The following ZSWIM4 variants were observed in gnomAD, a reference collection of about 807,000 sequenced individuals.
ZSWIM4 encodes the protein zinc finger SWIM-type containing 4.
A neutral mutation model predicts 102.5 loss-of-function variants in ZSWIM4; 62 were observed. That is an observed-to-expected ratio of 0.60 (90% CI 0.49 to 0.75). The LOEUF (loss-of-function observed/expected upper bound fraction) is 0.75, where lower values mean the gene tolerates loss of function less well. Among genes scored for constraint, ZSWIM4 ranks in the 30% least tolerant of loss-of-function variants. ZSWIM4 has a pLI of 0.00. For missense variants in ZSWIM4, 1,280 were observed against 1,529.6 expected (o/e 0.84, Z 2.72); for synonymous variants, 652 against 674.5 (o/e 0.97, Z 0.52).
At chr19:13,823,293 A>AGG in intron 10 of ZSWIM4, 53 bp from the exon 11 acceptor site, 1 of 1,562,230 alleles carries the variant, frequency 6.4e-7, no homozygotes. Context: ...TCTCCTAGAG[A>AGG]GAATGGGGAC....
rs1176983092 is a variant in ZSWIM4, at chr19:13,820,573, A to G, written c.2060+1081A>G. On this transcript the variant is annotated intron_variant, in intron 10 of 13. Transcript: ENST00000590508. ...TTATTTTGAGTTTGAGAATATTCAC[A>G]TGATACATGAAAAGATACACAAAGC... 2.0e-5 allele frequency among the ~76,000 whole-genome samples: 3 copies of G among 152,338 alleles called. No individual in the cohort carries two copies. The East Asian group carries it at 5.8e-4, about 29-fold the overall frequency.
At position 13,824,070 on chromosome 19, in the gene ZSWIM4, G is replaced by C. The variant is rs1975540149; in HGVS notation, c.2215+570G>C. On this transcript the variant is annotated intron_variant, in intron 11 of 13. Coordinates refer to ENST00000590508, the MANE Select transcript of ZSWIM4 (RefSeq NM_001367834.3). Reference sequence around the variant, plus strand: ...GTGAGAGAGAGGAGGCTGGGAGAGAGAGAGAGGGAGAAAGGAGAGATAGTA... The same window carrying C: ...GTGAGAGAGAGGAGGCTGGGAGAGACAGAGAGGGAGAAAGGAGAGATAGTA... 2.6e-5 allele frequency among the ~76,000 whole-genome samples: 4 copies of C among 150,954 alleles called. No individual in the cohort carries two copies. In the Admixed American group the frequency reaches 2.7e-4, roughly 10 times the overall value.
At chr19:13,824,304 G>A (rs112182581) in intron 11 of ZSWIM4, among the ~76,000 whole-genome samples, 1,590 of 152,282 alleles carry the variant, frequency 0.01, 24 homozygotes, top group African/African-American at 0.037. Flanking sequence ...GCTCATGCCT[G>A]TAATCCCAGC....
chr19:13,817,288 G>A lies in ZSWIM4; in HGVS notation c.1604G>A (p.Gly535Asp). 6.2e-7 allele frequency: 1 copy of A among 1,614,072 alleles called. No individual in the cohort carries two copies. ...GWVGHPLDPI[G>D]CLCRALLEAC... is the part of the protein sequence containing the mutation. Reference sequence around the variant, plus strand: ...GTGGGGCACCCCCTGGACCCCATTGGCTGCCTCTGCAGGGCGCTCCTGGAG... The same window carrying A: ...GTGGGGCACCCCCTGGACCCCATTGACTGCCTCTGCAGGGCGCTCCTGGAG... The change falls in exon 8 of 14, where the codon GGC becomes GAC. Residue 535 changes from glycine to aspartate, a missense_variant. Coordinates refer to ENST00000590508, the MANE Select transcript of ZSWIM4 (RefSeq NM_001367834.3).
Position 13,819,485 on chromosome 19 carries a change from G to A in ZSWIM4, c.2053G>A (p.Ala685Thr). 1 of 1,598,690 alleles carries A rather than the reference G, an allele frequency of 6.3e-7. No individual in the cohort carries two copies. The highest frequency in any genetic ancestry group is 8.5e-7 in the Non-Finnish European group (1 of 1,172,714). ...PDLAYRLALR[A>T]MRLPILETAF... is the part of the protein sequence containing the mutation. Reference sequence around the variant, plus strand: ...CCTGGCCTATCGCCTCGCGCTGCGAGCTATGAGGTGAGGATAGGTGGCCAA... The same window carrying A: ...CCTGGCCTATCGCCTCGCGCTGCGAACTATGAGGTGAGGATAGGTGGCCAA... Residue 685 changes from alanine to threonine, a missense_variant, in exon 10 of 14, where the codon GCT becomes ACT. Coordinates refer to ENST00000590508, the MANE Select transcript of ZSWIM4 (RefSeq NM_001367834.3).
intron 1 of ZSWIM4, among the ~76,000 whole-genome samples, chr19:13,796,215 C>G (rs1371816553): frequency 2.7e-5 from 4 of 150,244 alleles, no homozygotes; most frequent in East Asian, 2.0e-4. Flanking sequence ...CACCTTATCC[C>G]CCAACGGTAC....
Position 13,819,415 on chromosome 19 carries a change from C to A in ZSWIM4, c.1983C>A (p.Thr661=). The A allele has an allele frequency of 6.2e-7, 1 of 1,612,408 alleles. No homozygotes were observed. Among genetic ancestry groups the A allele is most frequent in the Non-Finnish European group, 8.5e-7 (1 of 1,179,312 alleles). ...VLFRESVPMH[T]CARYLFTALL... ...TCCGGGAGAGCGTGCCCATGCACAC[C>A]TGTGCCCGCTACCTGTTCACCGCAC... is the stretch of plus-strand genomic sequence containing the variant. The change falls in exon 10 of 14, where the codon ACC becomes ACA. Residue 661 remains threonine (T), a synonymous_variant. Coordinates refer to ENST00000590508, the MANE Select transcript of ZSWIM4 (RefSeq NM_001367834.3).
At chr19:13,796,817 G>T (rs1337866752) in intron 1 of ZSWIM4, 2 of 152,316 alleles carry the variant, frequency 1.3e-5, no homozygotes, top group African/African-American at 4.8e-5. Flanking sequence ...GCACACACGG[G>T]CTCTATCCTC....
At chr19:13,828,986 G>C (rs1975684889) in intron 13 of ZSWIM4, among the ~76,000 whole-genome samples, 1 of 152,016 alleles carries the variant, frequency 6.6e-6, no homozygotes, top group Non-Finnish European at 1.5e-5. Context: ...TGTAGTTCCA[G>C]CTGCTTGGGA....
intron 3 of ZSWIM4, among the ~76,000 whole-genome samples, chr19:13,805,747 G>A (rs1452223728): frequency 5.3e-5 from 8 of 151,760 alleles, no homozygotes; most frequent in African/African-American, 1.7e-4. Context: ...CGAGGTGGGC[G>A]GATCAGTTGA....
chr19:13,830,189 A>G lies in ZSWIM4; in HGVS notation c.2462-2A>G. The stretch of plus-strand genomic sequence containing the variant: ...GGATTTCCCTCCCTCACCTCCCACC[A>G]GGCCCGCAAGCCCTGATGAATATCA... On this transcript the variant is annotated splice_acceptor_variant, in intron 13 of 13. Transcript: ENST00000590508. LOFTEE classifies it high-confidence loss of function. 1.2e-6 allele frequency: 2 copies of G among 1,605,490 alleles called. No homozygotes were observed. The highest frequency in any genetic ancestry group is 8.5e-7 in the Non-Finnish European group (1 of 1,174,576).
At chr19:13,827,617 A>C (rs1370262958) in intron 12 of ZSWIM4, among the ~76,000 whole-genome samples, 1 of 151,236 alleles carries the variant, frequency 6.6e-6, no homozygotes, top group Non-Finnish European at 1.5e-5. Context: ...AGAAAAGAAA[A>C]AAAAAGAAAC....
chr19:13,804,890 T>TCCGTGAGCTGCGGCTGTGACAA lies in ZSWIM4; in HGVS notation c.458_479dup (p.Asp161GlufsTer5). The TCCGTGAGCTGCGGCTGTGACAA allele has an allele frequency of 2.5e-6, 4 of 1,613,544 alleles. No individual in the cohort carries two copies. Among genetic ancestry groups the TCCGTGAGCTGCGGCTGTGACAA allele is most frequent in the Non-Finnish European group, 2.5e-6 (3 of 1,180,002 alleles). On this transcript the variant is annotated frameshift_variant, in exon 3 of 14. Transcript: ENST00000590508. LOFTEE classifies it high-confidence loss of function. ...CAGCTTTGATCGCTGCAAGATCACG[T>TCCGTGAGCTGCGGCTGTGACAA]CCGTGAGCTGCGGCTGTGACAACCG...
At chr19:13,807,791 ATGGG>A (rs1030326060) in intron 3 of ZSWIM4, among the ~76,000 whole-genome samples, 13 of 145,324 alleles carry the variant, frequency 8.9e-5, no homozygotes, top group Admixed American at 7.4e-4. Context: ...GGATGGATGG[ATGGG>A]TGTATGGGTG....
At chr19:13,804,722 C>A in intron 2 of ZSWIM4, 70 bp from the exon 3 acceptor site, 1 of 1,323,514 alleles carries the variant, frequency 7.6e-7, no homozygotes, top group Admixed American at 2.1e-5. Context: ...GCAACCGGGT[C>A]TTGCTGTGTA....
chr19:13,814,609 C>A lies in ZSWIM4; in HGVS notation c.1275C>A (p.Ala425=). 1 of 1,240,652 alleles carries A rather than the reference C, an allele frequency of 8.1e-7. No homozygotes were observed. The highest frequency in any genetic ancestry group is 2.5e-5 in the Admixed American group (1 of 40,052). The allele number at this position is 1,240,652 out of a possible 1,614,324, so 76.9% of individuals were successfully genotyped here. ...CTGGAGAGCTACACTGGAATGACGC[C>A]TACCTGCAGAGGATCCTGGCCAGTG... The part of the protein sequence containing the change: ...LLAGELHWND[A]YLQRILASDS... Residue 425 remains alanine (A), a synonymous_variant, in exon 7 of 14, where the codon GCC becomes GCA. Coordinates refer to ENST00000590508, the MANE Select transcript of ZSWIM4 (RefSeq NM_001367834.3).
rs1975222396 is a variant in ZSWIM4, at chr19:13,814,812, C to T, written c.1478C>T (p.Thr493Ile). Residue 493 changes from threonine (T) to isoleucine (I), a missense_variant, in exon 7 of 14, where the codon ACA (threonine) becomes ATA (isoleucine). Coordinates refer to ENST00000590508, the MANE Select transcript of ZSWIM4 (RefSeq NM_001367834.3). ...CGGCTGGCAAGTGCCATCATCAACA[C>T]ACTCCGGCTGCAGCAGCGGCATCAG... ...ALRLASAIINTLRLQQRHQLE... is the reference protein window; with the variant it reads ...ALRLASAIINILRLQQRHQLE... 1 of 1,278,270 alleles carries T rather than the reference C, an allele frequency of 7.8e-7. No individual in the cohort carries two copies. The highest frequency in any genetic ancestry group is 1.0e-6 in the Non-Finnish European group (1 of 979,906). The allele number at this position is 1,278,270 out of a possible 1,614,324, so 79.2% of individuals were successfully genotyped here. A position where few individuals can be genotyped will look rare whatever the true frequency, so the allele number is the denominator to read the frequency against.
intron 12 of ZSWIM4, 64 bp from the exon 13 acceptor site, chr19:13,828,581 A>G (rs1232471838): frequency 1.3e-6 from 2 of 1,488,820 alleles, no homozygotes; most frequent in Admixed American, 1.7e-5. Context: ...CCATCTCCCA[A>G]CGCCCCTCCA....
intron 10 of ZSWIM4, among the ~76,000 whole-genome samples, chr19:13,821,054 C>T (rs988594197): frequency 1.3e-5 from 2 of 152,064 alleles, no homozygotes; most frequent in East Asian, 3.8e-4. Context: ...GAGGCCAAGG[C>T]GGACGGATCA....
Sources: allele counts gnomAD v4.1 joint callset (sites outside exome capture counted in the v4.1 genomes callset), GRCh38; gene constraint gnomAD v4.1.1; transcripts MANE v1.5; gene names NCBI Gene and HGNC (gene_info 2026-07-23, HGNC 2026-07-21).